The following DLC1 variants were observed in gnomAD, a reference collection of about 807,000 sequenced individuals.
The protein encoded by DLC1 is rho GTPase-activating protein 7.
DLC1 carries 54 observed loss-of-function variants against 140.3 expected under a neutral mutation model. That is an observed-to-expected ratio of 0.38 (90% CI 0.31 to 0.48). DLC1 has a LOEUF of 0.48. Ranked by LOEUF, DLC1 falls within the 20% of genes least tolerant of loss-of-function variation. The pLI, the probability that DLC1 is intolerant of heterozygous loss-of-function variation, is 0.96. For missense variants in DLC1, 2,536 were observed against 1,907.0 expected (o/e 1.33, Z -6.14); for synonymous variants, 986 against 728.1 (o/e 1.35, Z -5.70).
chr8:13,109,607 G>T (rs1431188627), intron 7 of DLC1, among the ~76,000 whole-genome samples: 3 of 151,150 alleles, frequency 2.0e-5, no homozygotes, highest in Non-Finnish European at 2.9e-5. Context: ...AAAACAGGCT[G>T]GGTGCGGTGG....
In DLC1 at chr8:13,499,749, A is replaced by G. The variant is rs1249814075; in HGVS notation, c.323T>C (p.Val108Ala). 4 of 1,614,090 alleles carry G rather than the reference A, an allele frequency of 2.5e-6. No homozygotes were observed. Among genetic ancestry groups the G allele is most frequent in the Non-Finnish European group, 3.4e-6 (4 of 1,179,972 alleles). The part of the protein sequence containing the change: ...LSLEASTETL[V>A]HVSDEDNNAD... ...ATTGTTATCCTCATCAGAAACATGC[A>G]CTAGTGTTTCTGTGCTGGCTTCCAG... The change falls in exon 2 of 18, where the codon GTG becomes GCG. Residue 108 changes from valine (V) to alanine (A), a missense_variant. Val to Ala is a moderately conservative substitution (Grantham distance 64). Transcript: ENST00000276297.
chr8:13,600,483 T>C (rs571244353), intron 1 of DLC1, among the ~76,000 whole-genome samples: 10 of 151,864 alleles, frequency 6.6e-5, no homozygotes, highest in South Asian at 2.1e-4. Flanking sequence ...TTTAAAATAA[T>C]GCAACGTCAA....
intron 5 of DLC1, among the ~76,000 whole-genome samples, chr8:13,273,054 T>C (rs537839154): frequency 2.6e-4 from 40 of 152,368 alleles, no homozygotes; most frequent in African/African-American, 9.6e-4. Context: ...TAATTCTATA[T>C]ATTTTATTTA....
At chr8:13,087,719 G>T (rs1817683779) in intron 16 of DLC1, among the ~76,000 whole-genome samples, 1 of 152,160 alleles carries the variant, frequency 6.6e-6, no homozygotes, top group Non-Finnish European at 1.5e-5. Flanking sequence ...AAGGAGCGCT[G>T]GCTGTTTGAA....
chr8:13,595,103 A>G (rs1260968927), intron 1 of DLC1, among the ~76,000 whole-genome samples: 7 of 152,086 alleles, frequency 4.6e-5, no homozygotes, highest in Non-Finnish European at 8.8e-5. Flanking sequence ...ATGACCAATG[A>G]TCACTTGTGA....
In DLC1 at chr8:13,113,194, T is replaced by C. The variant is rs181704482; in HGVS notation, c.1421-2371A>G. Reference sequence around the variant, plus strand: ...TTTAAAAGATGATAGTTTACTGATGTATAGAAGATGTTCTCTGAACTCAAC... The same window carrying C: ...TTTAAAAGATGATAGTTTACTGATGCATAGAAGATGTTCTCTGAACTCAAC... On this transcript the variant is annotated intron_variant, in intron 6 of 17. Coordinates refer to ENST00000276297, the MANE Select transcript of DLC1 (RefSeq NM_182643.3). Among the ~76,000 whole-genome samples the C allele has an allele frequency of 9.2e-5, 14 of 152,372 alleles. No homozygotes were observed. In the East Asian group the frequency reaches 2.5e-3, roughly 27 times the overall value.
At chr8:13,118,769 T>G (rs532244376) in intron 5 of DLC1, among the ~76,000 whole-genome samples, 1 of 152,278 alleles carries the variant, frequency 6.6e-6, no homozygotes, top group African/African-American at 2.4e-5. Context: ...ATTCCCCGAT[T>G]CACACCATTA....
intron 2 of DLC1, among the ~76,000 whole-genome samples, chr8:13,448,361 T>TTCG (rs1346604746): frequency 7.3e-6 from 1 of 137,422 alleles, no homozygotes; most frequent in Non-Finnish European, 1.5e-5. Flanking sequence ...CTTCTTCTTC[T>TTCG]TCTTCTTCTT....
intron 4 of DLC1, among the ~76,000 whole-genome samples, chr8:13,357,240 C>T (rs1414536029): frequency 6.6e-6 from 1 of 152,070 alleles, no homozygotes; most frequent in Non-Finnish European, 1.5e-5. Context: ...CACTGCACTC[C>T]AGCCTGGGCA....
In DLC1 at chr8:13,240,328, C is replaced by T. The variant is rs1463862677; in HGVS notation, c.1348+64941G>A. Reference sequence around the variant, plus strand: ...AAAGGAACATAACAATGAAACGTGACAATAACTTTCATCTGCCTCAAATGT... The same window carrying T: ...AAAGGAACATAACAATGAAACGTGATAATAACTTTCATCTGCCTCAAATGT... On this transcript the variant is annotated intron_variant, in intron 5 of 17. Coordinates refer to ENST00000276297, the MANE Select transcript of DLC1 (RefSeq NM_182643.3). Among the ~76,000 whole-genome samples the T allele has an allele frequency of 2.0e-5, 3 of 152,164 alleles. No homozygotes were observed. The East Asian group carries it at 5.8e-4, about 29-fold the overall frequency.
At chr8:13,395,039 A>C (rs1218873707) in intron 3 of DLC1, among the ~76,000 whole-genome samples, 1 of 149,442 alleles carries the variant, frequency 6.7e-6, no homozygotes, top group African/African-American at 2.5e-5. Flanking sequence ...TCTATCATCT[A>C]TCTATCTATC....
At chr8:13,471,835 C>G (rs1422837618) in intron 2 of DLC1, among the ~76,000 whole-genome samples, 24 of 152,292 alleles carry the variant, frequency 1.6e-4, no homozygotes, top group East Asian at 1.5e-3. Flanking sequence ...CTTCCACCCC[C>G]ACGCTGAAGC....
At chr8:13,102,666 G>C in intron 8 of DLC1, 124 bp downstream of exon 8, 1 of 837,532 alleles carries the variant, frequency 1.2e-6, no homozygotes, top group Non-Finnish European at 2.0e-6. Flanking sequence ...TATCATTCAA[G>C]ATGTAGATGC....
chr8:13,104,014 C>T (rs577329780), intron 7 of DLC1, among the ~76,000 whole-genome samples: 181 of 152,134 alleles, frequency 1.2e-3, no homozygotes, highest in Non-Finnish European at 2.0e-3. Flanking sequence ...TAGTTATCTC[C>T]GATGAATCAT....
intron 5 of DLC1, among the ~76,000 whole-genome samples, chr8:13,136,951 CG>C (rs1384082615): frequency 8.5e-5 from 13 of 152,074 alleles, no homozygotes; most frequent in African/African-American, 3.1e-4. Flanking sequence ...GAGGGTTTTA[CG>C]AGGCTTGAAT....
chr8:13,313,719 CAT>C (rs1328954882), intron 4 of DLC1, among the ~76,000 whole-genome samples: 4 of 152,222 alleles, frequency 2.6e-5, no homozygotes, highest in Admixed American at 6.5e-5. Context: ...CTTGTTTCCA[CAT>C]GTTTATTTCT....
At chr8:13,446,828 G>C (rs1176696382) in intron 2 of DLC1, among the ~76,000 whole-genome samples, 2 of 152,016 alleles carry the variant, frequency 1.3e-5, no homozygotes. Context: ...TGTAAACCCA[G>C]CTACTTGGGA....
At chr8:13,554,195 T>C (rs1803965542) in intron 1 of DLC1, among the ~76,000 whole-genome samples, 1 of 152,010 alleles carries the variant, frequency 6.6e-6, no homozygotes, top group Non-Finnish European at 1.5e-5. Context: ...GCCTCCCGAG[T>C]AGCTGGAATT....
chr8:13,366,719 C>T (rs1481361498), intron 4 of DLC1, among the ~76,000 whole-genome samples: 2 of 152,162 alleles, frequency 1.3e-5, no homozygotes, highest in Non-Finnish European at 2.9e-5. Flanking sequence ...GATGCCCTCT[C>T]AGGACTCAGT....
Sources: allele counts gnomAD v4.1 joint callset (sites outside exome capture counted in the v4.1 genomes callset), GRCh38; gene constraint gnomAD v4.1.1; transcripts MANE v1.5; gene names NCBI Gene and HGNC (gene_info 2026-07-23, HGNC 2026-07-21).